MAGI2: variants seen among roughly 807,000 people sequenced by gnomAD.
MAGI2 encodes the protein membrane associated guanylate kinase, WW and PDZ domain containing 2.
Under a neutral mutation model 133.3 loss-of-function variants are expected in MAGI2, and 35 were observed. That is an observed-to-expected ratio of 0.26 (90% CI 0.20 to 0.35). The LOEUF is 0.35. Ranked by LOEUF, MAGI2 falls within the 10% of genes least tolerant of loss-of-function variation. The pLI is 1.00. For missense variants in MAGI2, 1,636 were observed against 1,863.4 expected, an observed-to-expected ratio of 0.88 and a Z score of 2.25; for synonymous variants, 729 against 710.6, an observed-to-expected ratio of 1.03 and a Z score of -0.41.
chr7:78,621,861 A>C (rs1412266439), intron 3 of MAGI2, among the ~76,000 whole-genome samples: 1 of 152,050 alleles, frequency 6.6e-6, no homozygotes, highest in East Asian at 1.9e-4. Flanking sequence ...GTTTAAAATG[A>C]GAATTAGCAA....
At chr7:78,872,574 T>A (rs573247305) in intron 2 of MAGI2, among the ~76,000 whole-genome samples, 6 of 144,330 alleles carry the variant, frequency 4.2e-5, no homozygotes, top group African/African-American at 1.5e-4. Context: ...TTAGTGATAG[T>A]CCCGTTTATA....
chr7:78,118,321 C>A (rs1382246685), intron 20 of MAGI2, among the ~76,000 whole-genome samples: 1 of 151,980 alleles, frequency 6.6e-6, no homozygotes, highest in African/African-American at 2.4e-5. Flanking sequence ...ACACAAAAGG[C>A]ATAATCTATG....
intron 2 of MAGI2, among the ~76,000 whole-genome samples, chr7:78,840,181 A>G (rs753857026): frequency 3.9e-5 from 6 of 152,092 alleles, no homozygotes; most frequent in Admixed American, 6.6e-5. Flanking sequence ...GAATTACCAA[A>G]CATAAATTAG....
Position 78,256,238 on chromosome 7 carries a change from C to T in MAGI2, c.1752G>A (p.Pro584=), listed in dbSNP as rs761029489. 4.6e-5 allele frequency: 75 copies of T among 1,613,964 alleles called. No homozygotes were observed. The highest frequency in any genetic ancestry group is 1.7e-4 in the Middle Eastern group (1 of 6,058). Reference sequence around the variant, plus strand: ...TAGACACATTGTCATCATGGACGGGCGGTGGATACGTGCCGTCTAGCTGAC... The same window carrying T: ...TAGACACATTGTCATCATGGACGGGTGGTGGATACGTGCCGTCTAGCTGAC... The part of the protein sequence containing the change: ...TDGQLDGTYP[P]PVHDDNVSMA... Residue 584 remains proline, a synonymous_variant, in exon 10 of 22, where the codon CCG becomes CCA. Coordinates refer to ENST00000354212, the MANE Select transcript of MAGI2 (RefSeq NM_012301.4).
chr7:78,888,841 C>T (rs1007709472), intron 2 of MAGI2, among the ~76,000 whole-genome samples: 35 of 152,126 alleles, frequency 2.3e-4, no homozygotes, highest in African/African-American at 8.0e-4. Flanking sequence ...TCCAAAGGAA[C>T]GCAGCTACTC....
At chr7:78,106,481 A>G (rs188003967) in intron 20 of MAGI2, among the ~76,000 whole-genome samples, 6 of 152,270 alleles carry the variant, frequency 3.9e-5, no homozygotes, top group Non-Finnish European at 7.4e-5. Flanking sequence ...CCAACAGTGT[A>G]CAAGCGTTCC....
At chr7:78,930,128 G>A (rs949664516) in intron 2 of MAGI2, among the ~76,000 whole-genome samples, 2 of 151,940 alleles carry the variant, frequency 1.3e-5, no homozygotes, top group Non-Finnish European at 2.9e-5. Context: ...ACAAGTTTAT[G>A]GTAATCCATG....
chr7:79,040,160 G>C (rs972914524), intron 1 of MAGI2, among the ~76,000 whole-genome samples: 3 of 151,838 alleles, frequency 2.0e-5, no homozygotes, highest in Admixed American at 2.0e-4. Context: ...TCTGATGATA[G>C]TGAGTTCTCA....
At chr7:79,452,207 T>C (rs1477207895) in intron 1 of MAGI2, among the ~76,000 whole-genome samples, 1 of 151,998 alleles carries the variant, frequency 6.6e-6, no homozygotes, top group African/African-American at 2.4e-5. Context: ...GTAAAGTCCA[T>C]GCGGACAACC....
At chr7:79,261,282 G>A (rs6952164) in intron 1 of MAGI2, among the ~76,000 whole-genome samples, 86,306 of 151,996 alleles carry the variant, frequency 0.57, 26,270 homozygotes, top group Non-Finnish European at 0.68. Flanking sequence ...GTCCCTTGAC[G>A]TCCCTCCGAC....
chr7:79,213,061 G>A (rs1009563861), intron 1 of MAGI2, among the ~76,000 whole-genome samples: 1 of 151,934 alleles, frequency 6.6e-6, no homozygotes, highest in Non-Finnish European at 1.5e-5. Context: ...GCGGTAGTGA[G>A]GGCGGGTGGA....
intron 2 of MAGI2, chr7:79,000,363 A>G (rs986349181): frequency 6.6e-6 from 1 of 152,214 alleles, no homozygotes. Flanking sequence ...AATTAGATTC[A>G]TTCATATCCA....
intron 16 of MAGI2, chr7:78,158,236 C>T (rs1040047219): frequency 3.9e-5 from 6 of 152,044 alleles, no homozygotes; most frequent in African/African-American, 9.7e-5. Flanking sequence ...CCTTTATTTT[C>T]GTGTTTCCAT....
chr7:78,074,093 C>T (rs1815016740), intron 21 of MAGI2, among the ~76,000 whole-genome samples: 1 of 152,180 alleles, frequency 6.6e-6, no homozygotes. Flanking sequence ...GCAGCTGCTC[C>T]ACAACCTCTG....
At position 79,426,960 on chromosome 7, in the gene MAGI2, A is replaced by G. The variant is rs192860613; in HGVS notation, c.301+26060T>C. The stretch of plus-strand genomic sequence containing the variant: ...CAGTTAGTTTTAGTCCTAAAAAAGG[A>G]AAAAAAATCTTTACTTCCACCAACT... On this transcript the variant is annotated intron_variant, in intron 1 of 21. Coordinates refer to ENST00000354212, the MANE Select transcript of MAGI2 (RefSeq NM_012301.4). Among the ~76,000 whole-genome samples, 16 of 152,104 alleles carry G rather than the reference A, an allele frequency of 1.1e-4. No homozygotes were observed. In the East Asian group the frequency reaches 2.9e-3, roughly 28 times the overall value.
chr7:79,201,673 T>G (rs1292560424), intron 1 of MAGI2, among the ~76,000 whole-genome samples: 1 of 151,936 alleles, frequency 6.6e-6, no homozygotes, highest in African/African-American at 2.4e-5. Flanking sequence ...ACCCACTGTT[T>G]CCTAAATCGT....
chr7:78,484,087 T>A (rs1296285570), intron 6 of MAGI2: 1 of 151,900 alleles, frequency 6.6e-6, no homozygotes, highest in Non-Finnish European at 1.5e-5. Context: ...AAGCTCCTAT[T>A]TAAGGGAAGA....
At chr7:78,145,508 G>A (rs1012848856) in intron 16 of MAGI2, among the ~76,000 whole-genome samples, 5 of 151,980 alleles carry the variant, frequency 3.3e-5, no homozygotes, top group African/African-American at 4.8e-5. Context: ...TTGGCATCCC[G>A]GATTGGTCTG....
chr7:78,719,976 A>G (rs1165384384), intron 2 of MAGI2, among the ~76,000 whole-genome samples: 1 of 152,100 alleles, frequency 6.6e-6, no homozygotes, highest in Non-Finnish European at 1.5e-5. Context: ...AGTTAAATCT[A>G]CTCGGTTATC....
Sources: gnomAD v4.1 joint callset for allele counts (sites outside exome capture counted in the v4.1 genomes callset) on GRCh38, gnomAD v4.1.1 for gene constraint, MANE v1.5 for transcripts, NCBI Gene and HGNC (gene_info 2026-07-23, HGNC 2026-07-21) for gene names.